Variants in SEL1L3 observed in about 807,000 individuals in gnomAD.
SEL1L3 encodes the protein protein sel-1 homolog 3.
Under a neutral mutation model 142.8 loss-of-function variants are expected in SEL1L3, and 76 were observed. That is an observed-to-expected ratio of 0.53 (90% CI 0.44 to 0.64). The LOEUF is 0.64. Ranked by LOEUF, SEL1L3 falls within the 30% of genes least tolerant of loss-of-function variation. SEL1L3 has a pLI of 0.00. For missense variants in SEL1L3, 1,262 were observed against 1,381.7 expected, an observed-to-expected ratio of 0.91 and a Z score of 1.37; for synonymous variants, 504 against 519.6, an observed-to-expected ratio of 0.97 and a Z score of 0.41.
rs1194267405 is a variant in SEL1L3 at position 25,765,330 on chromosome 4, G to A, written c.2951C>T (p.Ser984Phe). 1 of 1,606,298 alleles carries A rather than the reference G, an allele frequency of 6.2e-7. No homozygotes were observed. The highest frequency in any genetic ancestry group is 2.2e-5 in the East Asian group (1 of 44,814). Residue 984 changes from serine to phenylalanine, a missense_variant, in exon 20 of 24, where the codon TCC (serine) becomes TTC (phenylalanine). Ser to Phe is a radical substitution (Grantham distance 155). Around this residue, in one of 3 missense-constraint regions of SEL1L3, gnomAD observed 435 missense variants for 559.2 expected, o/e 0.78. Coordinates refer to ENST00000399878, the MANE Select transcript of SEL1L3 (RefSeq NM_015187.5). ...TTTGTTGCGGTTGCTGTTTACCTGG[G>A]AGTCTCCATCCAGGGCGGCTTGGGC... ...MYAQAALDGDSQGFFNLALLI... is the reference protein window; with the variant it reads ...MYAQAALDGDFQGFFNLALLI...
At chr4:25,737,054 G>A in the SEL1L3 span, among the ~76,000 whole-genome samples, 10,710 of 149,940 alleles carry the variant, frequency 0.071, 460 homozygotes, top group African/African-American at 0.11. Flanking sequence ...GCACAGTCTC[G>A]GCTCACTGCA....
chr4:25,760,864 TC>T (rs1460882011), intron 20 of SEL1L3, among the ~76,000 whole-genome samples: 1 of 152,102 alleles, frequency 6.6e-6, no homozygotes, highest in African/African-American at 2.4e-5. Context: ...TAACAACAAA[TC>T]GATATAGGTA....
chr4:25,858,903 C>T (rs1717473560), intron 1 of SEL1L3, among the ~76,000 whole-genome samples: 1 of 152,174 alleles, frequency 6.6e-6, no homozygotes, highest in Non-Finnish European at 1.5e-5. Context: ...TTAATGTCCT[C>T]TTACTTCTTT....
chr4:25,818,619 G>C (rs1714552214), intron 8 of SEL1L3, among the ~76,000 whole-genome samples: 1 of 152,184 alleles, frequency 6.6e-6, no homozygotes, highest in South Asian at 2.1e-4. Flanking sequence ...AGGCAAAGCA[G>C]TTCAAGATGA....
At chr4:25,795,213 A>G (rs1298127662) in intron 11 of SEL1L3, among the ~76,000 whole-genome samples, 1 of 152,188 alleles carries the variant, frequency 6.6e-6, no homozygotes, top group Non-Finnish European at 1.5e-5. Context: ...ATAAAATATA[A>G]TATTTCTTTT....
chr4:25,726,534 AAAAAAAAAAAACCC>A, the SEL1L3 span, among the ~76,000 whole-genome samples: 3 of 151,560 alleles, frequency 2.0e-5, no homozygotes, highest in Non-Finnish European at 2.9e-5. Context: ...TCTCAAAAAA[AAAAAAAAAAAACCC>A]AAAAAAAAAC....
the SEL1L3 span, among the ~76,000 whole-genome samples, chr4:25,714,986 A>G: frequency 6.6e-6 from 1 of 152,236 alleles, no homozygotes; most frequent in Non-Finnish European, 1.5e-5. Flanking sequence ...ACAAAAACAA[A>G]TAAGTTGAAT....
downstream of SEL1L3, among the ~76,000 whole-genome samples, chr4:25,743,901 G>T (rs773629242): frequency 2.0e-5 from 3 of 152,074 alleles, no homozygotes; most frequent in Admixed American, 6.5e-5. Context: ...ATTCCAGCCA[G>T]CTTGGACACT....
intron 7 of SEL1L3, 29 bp from the exon 8 acceptor site, chr4:25,819,969 C>A (rs1417462020): frequency 6.3e-7 from 1 of 1,595,744 alleles, no homozygotes; most frequent in African/African-American, 1.3e-5. Flanking sequence ...GTCAAATGAA[C>A]AACAATTGTC....
downstream of SEL1L3, among the ~76,000 whole-genome samples, chr4:25,743,741 T>G (rs1307804613): frequency 6.6e-6 from 1 of 152,194 alleles, no homozygotes; most frequent in Admixed American, 6.6e-5. Flanking sequence ...TTGAATAGAC[T>G]GGGAGGCAGG....
intron 17 of SEL1L3, 120 bp from the exon 18 acceptor site, chr4:25,767,950 A>G: frequency 1.6e-6 from 1 of 639,268 alleles, no homozygotes; most frequent in Non-Finnish European, 2.7e-6. Flanking sequence ...AAACCACAAA[A>G]TCGTGAGTTT....
intron 15 of SEL1L3, among the ~76,000 whole-genome samples, chr4:25,780,959 G>C (rs973463287): frequency 1.3e-5 from 2 of 151,646 alleles, no homozygotes; most frequent in Admixed American, 1.3e-4. Context: ...TCGAGTGCCT[G>C]AGATTACAAG....
chr4:25,784,238 G>C lies in SEL1L3; in HGVS notation c.2270C>G (p.Ala757Gly), dbSNP rs772912313. Residue 757 changes from alanine to glycine, a missense_variant, in exon 14 of 24, where the codon GCA (alanine) becomes GGA (glycine). Physicochemically the swap from Ala to Gly is moderately conservative, Grantham distance 60. Transcript: ENST00000399878. ...RRLALELMKK[A>G]ASKGLHQAVN... ...ATATGCATGTGTTACCTTGGAAGCT[G>C]CTTTCTTCATCAGCTCTAAGGCAAG... The C allele has an allele frequency of 6.2e-7, 1 of 1,613,010 alleles. No homozygotes were observed. Among genetic ancestry groups the C allele is most frequent in the South Asian group, 1.1e-5 (1 of 91,054 alleles).
chr4:25,821,168 T>C (rs779508953), intron 7 of SEL1L3, among the ~76,000 whole-genome samples: 8 of 152,220 alleles, frequency 5.3e-5, no homozygotes, highest in Non-Finnish European at 1.0e-4. Flanking sequence ...ACTATTTCAT[T>C]TTTTTCCCTT....
intron 2 of SEL1L3, among the ~76,000 whole-genome samples, chr4:25,844,008 G>GAGT (rs1256007874): frequency 6.6e-6 from 1 of 152,214 alleles, no homozygotes; most frequent in African/African-American, 2.4e-5. Flanking sequence ...GCAAGTCAGG[G>GAGT]AGTACTTCAG....
intron 5 of SEL1L3, among the ~76,000 whole-genome samples, chr4:25,831,938 C>T (rs564798870): frequency 2.0e-5 from 3 of 152,228 alleles, no homozygotes; most frequent in Admixed American, 6.5e-5. Flanking sequence ...AAAATAAGAT[C>T]TGTGAATCTG....
At chr4:25,818,050 C>T in intron 9 of SEL1L3, 88 bp downstream of exon 9, 2 of 1,356,108 alleles carry the variant, frequency 1.5e-6, no homozygotes, top group Non-Finnish European at 2.0e-6. Flanking sequence ...AACTTTAAGG[C>T]ATAAATCACC....
chr4:25,779,346 A>G (rs1425418455), intron 15 of SEL1L3, 143 bp from the exon 16 acceptor site: 2 of 869,200 alleles, frequency 2.3e-6, no homozygotes, highest in Non-Finnish European at 1.7e-6. Flanking sequence ...CAACAATTCC[A>G]GGAAGACAGC....
At chr4:25,820,406 A>T (rs1205252248) in intron 7 of SEL1L3, among the ~76,000 whole-genome samples, 1 of 152,152 alleles carries the variant, frequency 6.6e-6, no homozygotes, top group Non-Finnish European at 1.5e-5. Flanking sequence ...CATCTCACTT[A>T]CGGGCCGATG....
Sources: allele counts gnomAD v4.1 joint callset (sites outside exome capture counted in the v4.1 genomes callset), GRCh38; gene constraint gnomAD v4.1.1; regional missense constraint gnomAD v4.1.1; transcripts MANE v1.5; gene names NCBI Gene and HGNC (gene_info 2026-07-23, HGNC 2026-07-21).